CAST: variants seen among roughly 807,000 people sequenced by gnomAD.
The protein encoded by CAST is MIR583 host.
In CAST, 76 loss-of-function variants were observed where a neutral mutation model predicts 119.6. The observed-to-expected ratio is 0.64, with a 90% confidence interval of 0.53 to 0.77. The LOEUF (loss-of-function observed/expected upper bound fraction) is 0.77. Among genes scored for constraint, CAST ranks in the 30% least tolerant of loss-of-function variants. CAST has a pLI of 0.00. For missense variants in CAST, 953 were observed against 946.5 expected (o/e 1.01, Z -0.09); for synonymous variants, 319 against 331.6 (o/e 0.96, Z 0.41).
At chr5:96,565,379 T>C (rs898551324) in intron 1 of CAST, among the ~76,000 whole-genome samples, 1 of 151,762 alleles carries the variant, frequency 6.6e-6, no homozygotes, top group Admixed American at 6.6e-5. Flanking sequence ...TGTACCCACA[T>C]ATATATATAT....
At chr5:96,210,726 G>A in the CAST span, among the ~76,000 whole-genome samples, 8 of 151,816 alleles carry the variant, frequency 5.3e-5, no homozygotes, top group Non-Finnish European at 1.2e-4. Context: ...ATTCTGCCTG[G>A]GATTTTGAAA....
intron 9 of CAST, among the ~76,000 whole-genome samples, chr5:96,734,800 A>G (rs1442332673): frequency 6.6e-6 from 1 of 152,236 alleles, no homozygotes; most frequent in Non-Finnish European, 1.5e-5. Context: ...TGAGGAGGAA[A>G]GAGGTGTCTC....
the CAST span, among the ~76,000 whole-genome samples, chr5:96,106,641 A>C: frequency 2.7e-5 from 4 of 147,902 alleles, no homozygotes; most frequent in African/African-American, 1.0e-4. Context: ...CTTTACTTCC[A>C]ACTATGTGGT....
chr5:96,153,787 G>A, the CAST span, among the ~76,000 whole-genome samples: 1 of 152,062 alleles, frequency 6.6e-6, no homozygotes, highest in Admixed American at 6.6e-5. Context: ...TATATTACTA[G>A]CACTAATAGT....
At chr5:96,494,910 G>GA in the CAST span, among the ~76,000 whole-genome samples, 1 of 152,092 alleles carries the variant, frequency 6.6e-6, no homozygotes, top group African/African-American at 2.4e-5. Flanking sequence ...GAGGTCAGGA[G>GA]CTCGAGACCA....
intron 1 of CAST, among the ~76,000 whole-genome samples, chr5:96,587,838 A>T (rs1376199975): frequency 6.6e-6 from 1 of 152,188 alleles, no homozygotes; most frequent in East Asian, 1.9e-4. Flanking sequence ...TTAAATAAGG[A>T]ATATTCTGGA....
chr5:96,272,233 C>T, the CAST span, among the ~76,000 whole-genome samples: 1 of 152,090 alleles, frequency 6.6e-6, no homozygotes, highest in South Asian at 2.1e-4. Context: ...ATAGAACTCC[C>T]ATATGATCCA....
the CAST span, among the ~76,000 whole-genome samples, chr5:96,512,372 T>C: frequency 0.59 from 90,179 of 151,982 alleles, 26,998 homozygotes; most frequent in Middle Eastern, 0.66. Flanking sequence ...TTGCAAGTGC[T>C]TCCCACCCTC....
At chr5:96,133,293 GA>G in the CAST span, among the ~76,000 whole-genome samples, 808 of 142,888 alleles carry the variant, frequency 5.7e-3, 5 homozygotes, top group African/African-American at 0.018. Context: ...AACGCTTTGA[GA>G]AAAAAAAAAA....
At chr5:96,334,865 A>G in the CAST span, among the ~76,000 whole-genome samples, 1 of 152,198 alleles carries the variant, frequency 6.6e-6, no homozygotes, top group African/African-American at 2.4e-5. Context: ...TGCAATATCA[A>G]AAATGATATC....
the CAST span, among the ~76,000 whole-genome samples, chr5:96,118,529 C>T: frequency 6.6e-6 from 1 of 151,978 alleles, no homozygotes; most frequent in Non-Finnish European, 1.5e-5. Context: ...GATTAGGTCA[C>T]TTATAAATAC....
chr5:96,454,833 A>G, the CAST span, among the ~76,000 whole-genome samples: 1 of 152,232 alleles, frequency 6.6e-6, no homozygotes, highest in Non-Finnish European at 1.5e-5. Flanking sequence ...ATCAAAGATA[A>G]TGACTCAGTT....
At chr5:96,763,040 G>A in intron 25 of CAST, 1 of 735,854 alleles carries the variant, frequency 1.4e-6, no homozygotes, top group East Asian at 2.5e-5. Context: ...AATTATAAAG[G>A]GATTGCCCTA....
At chr5:96,163,786 A>G in the CAST span, among the ~76,000 whole-genome samples, 47,107 of 151,984 alleles carry the variant, frequency 0.31, 7,547 homozygotes, top group Middle Eastern at 0.39. Flanking sequence ...CCTAGTCCCC[A>G]TTTTCTCTGG....
the CAST span, among the ~76,000 whole-genome samples, chr5:96,425,012 GAAAGAAAGAAAGAAA>G: frequency 1.0e-4 from 2 of 19,740 alleles, no homozygotes; most frequent in African/African-American, 3.4e-4. Flanking sequence ...AGAAAGAAAA[GAAAGAAAGAAAGAAA>G]GAAAGAAAGA....
chr5:96,045,842 AT>A, the CAST span, among the ~76,000 whole-genome samples: 1 of 152,312 alleles, frequency 6.6e-6, no homozygotes, highest in East Asian at 1.9e-4. Flanking sequence ...GACAAAAAAA[AT>A]ATAGGTACAA....
chr5:96,333,393 C>A, the CAST span, among the ~76,000 whole-genome samples: 3 of 152,112 alleles, frequency 2.0e-5, no homozygotes, highest in African/African-American at 7.2e-5. Flanking sequence ...CTTAGACGCC[C>A]TAGGTGGCCG....
the CAST span, among the ~76,000 whole-genome samples, chr5:96,308,503 A>G: frequency 6.6e-6 from 1 of 151,724 alleles, no homozygotes; most frequent in Admixed American, 6.6e-5. Context: ...CTTGCTGGAG[A>G]GGAGTTGTGA....
the CAST span, among the ~76,000 whole-genome samples, chr5:95,996,867 T>G: frequency 2.0e-5 from 3 of 152,234 alleles, no homozygotes; most frequent in Non-Finnish European, 4.4e-5. Flanking sequence ...CGTACACATT[T>G]TTCATCCTTA....
Sources: gnomAD v4.1 joint callset for allele counts (sites outside exome capture counted in the v4.1 genomes callset) on GRCh38, gnomAD v4.1.1 for gene constraint, MANE v1.5 for transcripts, NCBI Gene and HGNC (gene_info 2026-07-23, HGNC 2026-07-21) for gene names.